Variants in CENPP observed in about 807,000 individuals in gnomAD.
CENPP encodes centromere protein P.
Under a neutral mutation model 35.6 loss-of-function variants are expected in CENPP, and 24 were observed. The observed-to-expected ratio is 0.67, with a 90% CI of 0.49 to 0.95. CENPP has a LOEUF of 0.95. CENPP is among the 40% of genes least tolerant of loss of function. The probability of loss-of-function intolerance (pLI) is 0.00; values close to 1 mark genes in which losing one functional copy is unlikely to be tolerated. For synonymous variants in CENPP, 120 were observed against 125.5 expected (o/e 0.96, Z 0.29); for missense variants, 332 against 345.3 (o/e 0.96, Z 0.31).
intron 5 of CENPP, among the ~76,000 whole-genome samples, chr9:92,545,300 C>T (rs954955599): frequency 2.6e-5 from 4 of 151,838 alleles, no homozygotes; most frequent in African/African-American, 9.7e-5. Context: ...ACCAGGGCTG[C>T]GTGTGGCACT....
intron 5 of CENPP, chr9:92,416,828 G>C: frequency 6.2e-7 from 1 of 1,613,668 alleles, no homozygotes; most frequent in Non-Finnish European, 8.5e-7. Context: ...AGAAGAAATT[G>C]AATTATTTTC....
chr9:92,482,516 G>A (rs1327248046), intron 5 of CENPP: 1 of 152,188 alleles, frequency 6.6e-6, no homozygotes, highest in Non-Finnish European at 1.5e-5. Flanking sequence ...TGAGGAGCAA[G>A]ATTAAAACTT....
chr9:92,461,766 T>C (rs1845122878), intron 5 of CENPP, among the ~76,000 whole-genome samples: 1 of 152,222 alleles, frequency 6.6e-6, no homozygotes, highest in African/African-American at 2.4e-5. Flanking sequence ...AATTCTTCTC[T>C]AAAGAATTTT....
In CENPP at chr9:92,457,426, T is replaced by C. The variant is rs771456947; in HGVS notation, c.564+77567T>C. ...ATAAAGATTTCTTCATCTTTGGCACTGTTGGACAGAAGTCATTTACTCCCA... is the reference window on the plus strand; with the variant it reads ...ATAAAGATTTCTTCATCTTTGGCACCGTTGGACAGAAGTCATTTACTCCCA... On this transcript the variant is annotated intron_variant, in intron 5 of 7. Transcript: ENST00000375587. 1.9e-6 allele frequency: 3 copies of C among 1,613,872 alleles called. No homozygotes were observed. In the South Asian group the frequency reaches 3.3e-5, roughly 18 times the overall value.
rs561560053 is a variant in CENPP, at chr9:92,455,913, T to C, written c.564+76054T>C. 2.0e-5 allele frequency among the ~76,000 whole-genome samples: 3 copies of C among 152,134 alleles called. No individual in the cohort carries two copies. In the East Asian group the frequency reaches 5.8e-4, roughly 30 times the overall value. On this transcript the variant is annotated intron_variant, in intron 5 of 7. Coordinates refer to ENST00000375587, the MANE Select transcript of CENPP (RefSeq NM_001012267.3). ...GGTGAAACCCCGTCTCTACTAAAGATACAAAAAATTAGCTGGGCATGGTGG... is the reference window on the plus strand; with the variant it reads ...GGTGAAACCCCGTCTCTACTAAAGACACAAAAAATTAGCTGGGCATGGTGG...
intron 6 of CENPP, among the ~76,000 whole-genome samples, chr9:92,612,204 C>T (rs1851279753): frequency 6.6e-6 from 1 of 152,260 alleles, no homozygotes; most frequent in Non-Finnish European, 1.5e-5. Flanking sequence ...AGCTTACTGT[C>T]AGTGCCAGAT....
At chr9:92,443,911 C>G (rs1475668060) in intron 5 of CENPP, among the ~76,000 whole-genome samples, 1 of 152,184 alleles carries the variant, frequency 6.6e-6, no homozygotes, top group Admixed American at 6.5e-5. Flanking sequence ...AGTCCACCCA[C>G]TTCGGCCTCC....
At chr9:92,427,212 GA>G (rs1276895938) in intron 5 of CENPP, among the ~76,000 whole-genome samples, 2 of 152,188 alleles carry the variant, frequency 1.3e-5, no homozygotes, top group African/African-American at 4.8e-5. Context: ...GCCAAGGCTG[GA>G]GTGCAATGGC....
chr9:92,533,329 ATATAT>A (rs1210507974), intron 5 of CENPP, among the ~76,000 whole-genome samples: 67 of 43,514 alleles, frequency 1.5e-3, no homozygotes, highest in East Asian at 5.8e-3. Context: ...AAAAAAAAAA[ATATAT>A]ATATATATAT....
At chr9:92,330,617 T>A (rs569114130) in intron 1 of CENPP, among the ~76,000 whole-genome samples, 1 of 151,408 alleles carries the variant, frequency 6.6e-6, no homozygotes, top group Non-Finnish European at 1.5e-5. Context: ...AAAAAAAAAA[T>A]ACCATCTAAT....
chr9:92,328,392 A>T (rs1225532719), intron 1 of CENPP, among the ~76,000 whole-genome samples: 1 of 152,202 alleles, frequency 6.6e-6, no homozygotes, highest in Non-Finnish European at 1.5e-5. Flanking sequence ...CCATATGTCC[A>T]CACTGTGGAG....
At chr9:92,510,707 T>A (rs888239780) in intron 5 of CENPP, among the ~76,000 whole-genome samples, 2 of 152,224 alleles carry the variant, frequency 1.3e-5, no homozygotes, top group Admixed American at 1.3e-4. Context: ...GATTCACTTC[T>A]CCAGTGATCA....
At chr9:92,541,879 C>T (rs1323471429) in intron 5 of CENPP, among the ~76,000 whole-genome samples, 2 of 151,986 alleles carry the variant, frequency 1.3e-5, no homozygotes, top group East Asian at 1.9e-4. Context: ...CTGCAACCTC[C>T]GCCTCCCAGG....
intron 5 of CENPP, among the ~76,000 whole-genome samples, chr9:92,481,319 A>T (rs1271812148): frequency 6.6e-6 from 1 of 152,068 alleles, no homozygotes; most frequent in African/African-American, 2.4e-5. Flanking sequence ...GGATCCTTTT[A>T]TGTGTGTGGG....
chr9:92,330,048 TA>T (rs1840693052), intron 1 of CENPP, among the ~76,000 whole-genome samples: 1 of 152,214 alleles, frequency 6.6e-6, no homozygotes, highest in Non-Finnish European at 1.5e-5. Flanking sequence ...AGAGTTAGAT[TA>T]TTCTGTGTAG....
At chr9:92,487,998 G>A (rs1245513353) in intron 5 of CENPP, among the ~76,000 whole-genome samples, 1 of 152,188 alleles carries the variant, frequency 6.6e-6, no homozygotes, top group Non-Finnish European at 1.5e-5. Context: ...CTTTGTGTTA[G>A]ATGATTTTGC....
At chr9:92,349,763 T>A (rs892259436) in intron 4 of CENPP, among the ~76,000 whole-genome samples, 24 of 152,332 alleles carry the variant, frequency 1.6e-4, no homozygotes, top group African/African-American at 5.8e-4. Context: ...TTATATATGT[T>A]TGTATGTATA....
intron 5 of CENPP, among the ~76,000 whole-genome samples, chr9:92,434,272 C>G (rs533689687): frequency 5.9e-5 from 9 of 151,856 alleles, no homozygotes; most frequent in African/African-American, 2.2e-4. Flanking sequence ...ACCTGTAGTC[C>G]CAGCCACTCG....
chr9:92,432,946 AC>A (rs1196953419), intron 5 of CENPP, among the ~76,000 whole-genome samples: 3 of 152,256 alleles, frequency 2.0e-5, no homozygotes, highest in African/African-American at 7.2e-5. Context: ...GGAAAAAGAT[AC>A]AAAAAAAATT....
Sources: gnomAD v4.1 joint callset for allele counts (sites outside exome capture counted in the v4.1 genomes callset) on GRCh38, gnomAD v4.1.1 for gene constraint, MANE v1.5 for transcripts, NCBI Gene and HGNC (gene_info 2026-07-23, HGNC 2026-07-21) for gene names.